BLTP1: variants seen among roughly 807,000 people sequenced by gnomAD.
BLTP1 encodes bridge-like lipid transfer protein family member 1.
At chr4:122,273,094 C>A in the BLTP1 span, 1 of 378,808 alleles carries the variant, frequency 2.6e-6, no homozygotes, top group Non-Finnish European at 3.6e-6. Context: ...TTATATAAAA[C>A]CAGTGTGGTT....
chr4:122,224,123 C>T, the BLTP1 span: 1 of 975,940 alleles, frequency 1.0e-6, no homozygotes, highest in Non-Finnish European at 1.2e-6. Flanking sequence ...ATGTTGTCTT[C>T]CTTTTAAAAA....
chr4:122,166,919 C>T, the BLTP1 span, among the ~76,000 whole-genome samples: 2 of 152,112 alleles, frequency 1.3e-5, no homozygotes, highest in South Asian at 4.1e-4. Flanking sequence ...CCAGCGGGAG[C>T]CTCTTTAAGC....
the BLTP1 span, among the ~76,000 whole-genome samples, chr4:122,355,076 A>G: frequency 6.6e-6 from 1 of 152,168 alleles, no homozygotes; most frequent in Admixed American, 6.5e-5. Context: ...CCTAGAACAA[A>G]GGAGAATAAG....
chr4:122,179,760 G>A, the BLTP1 span: 1 of 775,028 alleles, frequency 1.3e-6, no homozygotes, highest in Non-Finnish European at 1.6e-6. Flanking sequence ...TCAAAGATGA[G>A]CACATACATG....
chr4:122,335,012 T>C, the BLTP1 span, among the ~76,000 whole-genome samples: 1,822 of 152,120 alleles, frequency 0.012, 41 homozygotes, highest in African/African-American at 0.042. Context: ...ATCTAACTTA[T>C]GGTCTTTTAC....
At chr4:122,265,982 C>T in the BLTP1 span, among the ~76,000 whole-genome samples, 5 of 152,308 alleles carry the variant, frequency 3.3e-5, no homozygotes, top group African/African-American at 1.2e-4. Context: ...GCATGAGCCA[C>T]CGTGCCCGGC....
At chr4:122,236,268 T>C in the BLTP1 span, among the ~76,000 whole-genome samples, 78 of 152,272 alleles carry the variant, frequency 5.1e-4, no homozygotes, top group African/African-American at 1.8e-3. Flanking sequence ...GTGCACAAGT[T>C]ATTTTAAGGT....
chr4:122,172,862 C>G, the BLTP1 span: 1 of 915,052 alleles, frequency 1.1e-6, no homozygotes, highest in Non-Finnish European at 1.3e-6. Flanking sequence ...AAACATTGCT[C>G]TAATGGATCT....
the BLTP1 span, chr4:122,229,545 A>G: frequency 3.2e-5 from 7 of 217,654 alleles, no homozygotes; most frequent in African/African-American, 4.7e-5. Context: ...TGATTTTTGA[A>G]TGTCTTTAGG....
the BLTP1 span, chr4:122,339,105 A>G: frequency 7.5e-7 from 1 of 1,341,482 alleles, no homozygotes; most frequent in Non-Finnish European, 1.0e-6. Flanking sequence ...TCTGTTTAAA[A>G]AAAATGTTTC....
the BLTP1 span, chr4:122,198,200 G>A: frequency 1.0e-6 from 1 of 973,032 alleles, no homozygotes; most frequent in Non-Finnish European, 1.2e-6. Context: ...GAATGGCATA[G>A]TGTATCTTTT....
chr4:122,264,116 T>C, the BLTP1 span: 4 of 1,221,794 alleles, frequency 3.3e-6, no homozygotes, highest in Non-Finnish European at 4.1e-6. Flanking sequence ...GTATGCATTA[T>C]TTTTTTTCTT....
the BLTP1 span, among the ~76,000 whole-genome samples, chr4:122,285,117 G>A: frequency 1.3e-5 from 2 of 151,974 alleles, no homozygotes; most frequent in Non-Finnish European, 2.9e-5. Flanking sequence ...ACTTATTCAG[G>A]GCACCCATGA....
the BLTP1 span, chr4:122,235,270 C>T: frequency 1.1e-6 from 1 of 873,244 alleles, no homozygotes; most frequent in Non-Finnish European, 1.4e-6. Context: ...GCTTTCCTCA[C>T]AGAATTTTTT....
At chr4:122,227,960 C>T in the BLTP1 span, among the ~76,000 whole-genome samples, 1 of 149,278 alleles carries the variant, frequency 6.7e-6, no homozygotes. Flanking sequence ...GTCGCCCAGG[C>T]TGGAGTGCAG....
the BLTP1 span, among the ~76,000 whole-genome samples, chr4:122,292,074 G>A: frequency 3.6e-3 from 538 of 150,792 alleles, 1 homozygote; most frequent in Non-Finnish European, 5.0e-3. Context: ...GGGTTCAGGC[G>A]ATTCTCCTGC....
chr4:122,262,148 T>TGTGTG, the BLTP1 span, among the ~76,000 whole-genome samples: 1 of 133,430 alleles, frequency 7.5e-6, no homozygotes, highest in East Asian at 2.3e-4. Flanking sequence ...TACAGATCCT[T>TGTGTG]TGTGTGTGTG....
chr4:122,312,818 C>A, the BLTP1 span: 1 of 788,046 alleles, frequency 1.3e-6, no homozygotes. Flanking sequence ...ATTTAAGTAA[C>A]ATTTGAATAC....
chr4:122,165,327 G>T, the BLTP1 span, among the ~76,000 whole-genome samples: 1 of 151,372 alleles, frequency 6.6e-6, no homozygotes, highest in Non-Finnish European at 1.5e-5. Flanking sequence ...GTGGTGTTTG[G>T]TTTTTTGTCC....
Sources: allele counts gnomAD v4.1 joint callset (sites outside exome capture counted in the v4.1 genomes callset), GRCh38; gene constraint gnomAD v4.1.1; transcripts MANE v1.5; gene names NCBI Gene and HGNC (gene_info 2026-07-23, HGNC 2026-07-21).